The following GRID2 variants were observed in gnomAD, a reference collection of about 807,000 sequenced individuals.
The protein encoded by GRID2 is glutamate ionotropic receptor delta type subunit 2, also known as glutamate receptor ionotropic, delta-2.
A neutral mutation model predicts 114.8 loss-of-function variants in GRID2; 33 were observed. That is an observed-to-expected ratio of 0.29 (90% CI 0.22 to 0.38). GRID2 has a LOEUF of 0.38. GRID2 is among the 10% of genes least tolerant of loss of function. The probability of loss-of-function intolerance (pLI) is 1.00; values close to 1 mark genes in which losing one functional copy is unlikely to be tolerated. For synonymous variants in GRID2, 505 were observed against 449.9 expected (o/e 1.12, Z -1.55); for missense variants, 1,184 against 1,257.7 (o/e 0.94, Z 0.89).
intron 2 of GRID2, among the ~76,000 whole-genome samples, chr4:92,970,493 A>G (rs939128524): frequency 1.3e-5 from 2 of 152,014 alleles, no homozygotes; most frequent in Non-Finnish European, 2.9e-5. Context: ...TGTGATAACT[A>G]TAAAGACAAA....
chr4:93,045,649 A>G (rs1016930214), intron 2 of GRID2, among the ~76,000 whole-genome samples: 1 of 152,128 alleles, frequency 6.6e-6, no homozygotes, highest in African/African-American at 2.4e-5. Flanking sequence ...TATTAACCTC[A>G]CTTTGCCCTT....
At position 93,654,651 on chromosome 4, in the gene GRID2, C is replaced by T. The variant is rs116234471; in HGVS notation, c.2360+28216C>T. On this transcript the variant is annotated intron_variant, in intron 14 of 15. Coordinates refer to ENST00000282020, the MANE Select transcript of GRID2 (RefSeq NM_001510.4). ...CAAGAGAATAAAAATAGAATAAATG[C>T]ATATAAATGGATGCTTTAAAAGGCC... is the stretch of plus-strand genomic sequence containing the variant. 7.6e-3 allele frequency among the ~76,000 whole-genome samples: 1,157 copies of T among 152,116 alleles called. 20 individuals are homozygous for T. The highest frequency in any genetic ancestry group is 0.027 in the African/African-American group (1,108 of 41,504).
intron 13 of GRID2, among the ~76,000 whole-genome samples, chr4:93,587,265 T>G (rs1279799190): frequency 2.6e-5 from 4 of 152,138 alleles, no homozygotes; most frequent in Non-Finnish European, 4.4e-5. Flanking sequence ...TTTATTAAAA[T>G]GCAGTTATCT....
intron 2 of GRID2, among the ~76,000 whole-genome samples, chr4:92,992,321 CA>C (rs1325187781): frequency 6.6e-6 from 1 of 152,110 alleles, no homozygotes; most frequent in Non-Finnish European, 1.5e-5. Flanking sequence ...TGTTTCATGG[CA>C]ACTTCAGATT....
chr4:93,227,177 C>T (rs923702295), intron 7 of GRID2, among the ~76,000 whole-genome samples: 7 of 152,062 alleles, frequency 4.6e-5, no homozygotes, highest in African/African-American at 1.7e-4. Context: ...CCTTTGTAGC[C>T]ATGTTAATAT....
chr4:93,239,636 A>G (rs922610214), intron 8 of GRID2, among the ~76,000 whole-genome samples: 2 of 151,582 alleles, frequency 1.3e-5, no homozygotes, highest in African/African-American at 2.4e-5. Context: ...TATGAAACAT[A>G]TAGAAAACTG....
At chr4:92,563,094 G>C (rs1251260390) in intron 1 of GRID2, among the ~76,000 whole-genome samples, 1 of 152,100 alleles carries the variant, frequency 6.6e-6, no homozygotes, top group Non-Finnish European at 1.5e-5. Context: ...GGCCTTTGTG[G>C]AGTAACTATT....
rs139941555 is a variant in GRID2, at chr4:93,082,026, A to G, written c.245-2969A>G. On this transcript the variant is annotated intron_variant, in intron 2 of 15. Coordinates refer to ENST00000282020, the MANE Select transcript of GRID2 (RefSeq NM_001510.4). Reference sequence around the variant, plus strand: ...GTAGATCCAAAGCAAATCAATTTCTATCTGCCATGCTTCAACCGACATTTT... The same window carrying G: ...GTAGATCCAAAGCAAATCAATTTCTGTCTGCCATGCTTCAACCGACATTTT... 4.1e-3 allele frequency among the ~76,000 whole-genome samples: 627 copies of G among 152,288 alleles called. 8 individuals carry two copies. The highest frequency in any genetic ancestry group is 0.015 in the African/African-American group (607 of 41,574).
chr4:93,113,194 A>G (rs945358328), intron 4 of GRID2, among the ~76,000 whole-genome samples: 2 of 152,214 alleles, frequency 1.3e-5, no homozygotes, highest in African/African-American at 4.8e-5. Context: ...AGTACTTACT[A>G]TCTTCTTACT....
intron 2 of GRID2, among the ~76,000 whole-genome samples, chr4:93,021,565 TAAA>T (rs1723319575): frequency 6.8e-6 from 1 of 146,068 alleles, no homozygotes; most frequent in African/African-American, 2.5e-5. Context: ...TTTTAAATAA[TAAA>T]TAATATATAT....
intron 2 of GRID2, among the ~76,000 whole-genome samples, chr4:92,758,904 G>A (rs1285692893): frequency 1.3e-5 from 2 of 152,048 alleles, no homozygotes; most frequent in East Asian, 3.9e-4. Context: ...TATGCATGGA[G>A]AGCAGCAAAG....
intron 1 of GRID2, among the ~76,000 whole-genome samples, chr4:92,351,073 C>T (rs1728045987): frequency 2.0e-5 from 3 of 151,778 alleles, no homozygotes; most frequent in Admixed American, 1.3e-4. Context: ...ATCCATTCAT[C>T]AGTTGATGAA....
chr4:93,313,497 T>C (rs894524998), intron 8 of GRID2, among the ~76,000 whole-genome samples: 9 of 152,198 alleles, frequency 5.9e-5, no homozygotes, highest in African/African-American at 2.2e-4. Context: ...GAGGATATAG[T>C]TCATTGTTAA....
chr4:92,345,120 A>G (rs753244724), intron 1 of GRID2, among the ~76,000 whole-genome samples: 70 of 152,136 alleles, frequency 4.6e-4, no homozygotes, highest in Non-Finnish European at 7.3e-4. Context: ...CCCTCTTATA[A>G]GAGAGAACAT....
intron 2 of GRID2, among the ~76,000 whole-genome samples, chr4:92,612,129 G>A (rs1054922589): frequency 2.6e-5 from 4 of 151,076 alleles, no homozygotes; most frequent in Admixed American, 6.6e-5. Context: ...AAGTCTATCC[G>A]TTATTTTGTG....
At chr4:93,692,126 A>G (rs1261665398) in intron 14 of GRID2, among the ~76,000 whole-genome samples, 1 of 152,146 alleles carries the variant, frequency 6.6e-6, no homozygotes, top group Non-Finnish European at 1.5e-5. Flanking sequence ...TGAAAAGGCA[A>G]ATAAGTAAAA....
chr4:93,341,313 T>G (rs1185908459), intron 8 of GRID2, among the ~76,000 whole-genome samples: 1 of 145,524 alleles, frequency 6.9e-6, no homozygotes, highest in Non-Finnish European at 1.5e-5. Flanking sequence ...TTGTAGCCTC[T>G]TAGTCCTTCT....
At chr4:92,658,781 G>GTGATGTA (rs1732369070) in intron 2 of GRID2, among the ~76,000 whole-genome samples, 1 of 43,964 alleles carries the variant, frequency 2.3e-5, no homozygotes, top group South Asian at 1.6e-3. Flanking sequence ...TTGCATGTAT[G>GTGATGTA]TGTGTGTGTG....
At position 93,022,041 on chromosome 4, in the gene GRID2, A is replaced by G. The variant is rs1024610540; in HGVS notation, c.245-62954A>G. 2.8e-4 allele frequency among the ~76,000 whole-genome samples: 43 copies of G among 151,474 alleles called. 1 individual carries two copies. Among genetic ancestry groups the G allele is most frequent in the Non-Finnish European group, 7.4e-5 (5 of 67,724 alleles). On this transcript the variant is annotated intron_variant, in intron 2 of 15. Transcript: ENST00000282020. ...AAAATTGGCAAGCCAGAAATACAGA[A>G]AATATATTATTCAATTAAATGAATG...
Sources: gnomAD v4.1 joint callset for allele counts (sites outside exome capture counted in the v4.1 genomes callset) on GRCh38, gnomAD v4.1.1 for gene constraint, MANE v1.5 for transcripts, NCBI Gene and HGNC (gene_info 2026-07-23, HGNC 2026-07-21) for gene names.